Variants in GSK3B observed in about 807,000 individuals in gnomAD.
GSK3B encodes the protein glycogen synthase kinase-3 beta.
Under a neutral mutation model 56.4 loss-of-function variants are expected in GSK3B, and 15 were observed. The observed-to-expected ratio is 0.27, with a 90% CI of 0.18 to 0.41. The LOEUF (loss-of-function observed/expected upper bound fraction) is 0.41. GSK3B is among the 10% of genes least tolerant of loss of function. GSK3B has a pLI of 1.00. For synonymous variants in GSK3B, 181 were observed against 188.9 expected (o/e 0.96, Z 0.34); for missense variants, 300 against 513.4 (o/e 0.58, Z 4.02).
rs187077119 is a variant in GSK3B at position 119,860,634 on chromosome 3, C to T, written c.1096+2785G>A. On this transcript the variant is annotated intron_variant, in intron 9 of 10. Coordinates refer to ENST00000264235, the MANE Select transcript of GSK3B (RefSeq NM_001146156.2). ...GCAGTTAGCTTTATTGTAAGCTTTA[C>T]CTTAATAAAACACTATATTTTACTC... Among the ~76,000 whole-genome samples, 760 of 152,208 alleles carry T rather than the reference C, an allele frequency of 5.0e-3. 3 individuals carry two copies. The highest frequency in any genetic ancestry group is 6.6e-3 in the Non-Finnish European group (450 of 67,996).
At chr3:119,846,378 T>C (rs1185572766) in intron 9 of GSK3B, among the ~76,000 whole-genome samples, 1 of 151,938 alleles carries the variant, frequency 6.6e-6, no homozygotes, top group East Asian at 1.9e-4. Flanking sequence ...AAGAAAAATT[T>C]TTGCCATCCA....
rs1238324770 is a variant in GSK3B, at chr3:119,823,790, G to GT, written c.*2997dup. The stretch of plus-strand genomic sequence containing the variant: ...TTTCCTCTTCCCACTCCTGAGTATG[G>GT]TATCACTGAAACTTAACTGTGGAAG... On this transcript the variant is annotated 3_prime_UTR_variant, in exon 11 of 11. Transcript: ENST00000264235. 1.5e-5 allele frequency: 3 copies of GT among 198,138 alleles called. No individual in the cohort carries two copies. Among genetic ancestry groups the GT allele is most frequent in the Non-Finnish European group, 2.1e-5 (2 of 95,780 alleles). 12.3% of individuals were successfully genotyped at this position (198,138 alleles called of 1,614,324 possible).
At chr3:119,971,379 T>G (rs1054903714) in intron 2 of GSK3B, among the ~76,000 whole-genome samples, 3 of 152,122 alleles carry the variant, frequency 2.0e-5, no homozygotes, top group African/African-American at 7.2e-5. Context: ...ACAGGTACAG[T>G]TTCATTTATA....
At chr3:120,091,652 C>G (rs557434556) in intron 1 of GSK3B, among the ~76,000 whole-genome samples, 1 of 152,204 alleles carries the variant, frequency 6.6e-6, no homozygotes, top group South Asian at 2.1e-4. Context: ...ACAAGAGGCT[C>G]TTAAGTAGCT....
chr3:119,822,267 A>ATAT lies in GSK3B; in HGVS notation c.*4520_*4521insATA. 5.8e-6 allele frequency: 1 copy of ATAT among 172,242 alleles called. No homozygotes were observed. 10.7% of individuals were successfully genotyped at this position (172,242 alleles called of 1,614,324 possible). A position where few individuals can be genotyped will look rare whatever the true frequency, so the allele number is the denominator to read the frequency against. On this transcript the variant is annotated 3_prime_UTR_variant, in exon 11 of 11. Coordinates refer to ENST00000264235, the MANE Select transcript of GSK3B (RefSeq NM_001146156.2). ...TTTATATATATATATATATATATAT[A>ATAT]ATAAATTTTGTTTTTTAGGTTTGTT...
chr3:120,031,401 T>C (rs780349350), intron 1 of GSK3B, among the ~76,000 whole-genome samples: 38 of 151,256 alleles, frequency 2.5e-4, no homozygotes, highest in Non-Finnish European at 4.6e-4. Context: ...TAATACAAAC[T>C]TGAGTCTGGG....
intron 1 of GSK3B, among the ~76,000 whole-genome samples, chr3:120,058,076 G>A (rs2058205782): frequency 6.6e-6 from 1 of 151,966 alleles, no homozygotes; most frequent in African/African-American, 2.4e-5. Flanking sequence ...TAAGGAAAAA[G>A]GTACTTTTAA....
intron 1 of GSK3B, among the ~76,000 whole-genome samples, chr3:120,009,320 C>G (rs944052432): frequency 6.6e-6 from 1 of 152,134 alleles, no homozygotes; most frequent in Admixed American, 6.5e-5. Context: ...TTGACCCAGC[C>G]ATCCCATTAC....
intron 7 of GSK3B, among the ~76,000 whole-genome samples, chr3:119,885,776 T>C (rs2056429483): frequency 6.6e-6 from 1 of 151,836 alleles, no homozygotes; most frequent in South Asian, 2.1e-4. Context: ...TTCGTCACAG[T>C]CGACAAAAAT....
intron 6 of GSK3B, among the ~76,000 whole-genome samples, chr3:119,906,671 T>C (rs766882678): frequency 1.4e-4 from 21 of 152,034 alleles, no homozygotes; most frequent in Non-Finnish European, 2.1e-4. Context: ...TATTAAGACT[T>C]CCTACAAGAA....
chr3:119,947,972 T>C (rs971887386), intron 2 of GSK3B, among the ~76,000 whole-genome samples: 7 of 152,056 alleles, frequency 4.6e-5, no homozygotes, highest in Non-Finnish European at 8.8e-5. Context: ...TTCAAAGTTA[T>C]GTTCATTCTT....
chr3:119,941,368 A>G (rs991467181), intron 3 of GSK3B, among the ~76,000 whole-genome samples: 1 of 152,116 alleles, frequency 6.6e-6, no homozygotes, highest in Non-Finnish European at 1.5e-5. Flanking sequence ...ATTTACTAAG[A>G]TATTTTTTAA....
At chr3:119,897,774 AC>A (rs2056582962) in intron 7 of GSK3B, among the ~76,000 whole-genome samples, 1 of 148,980 alleles carries the variant, frequency 6.7e-6, no homozygotes, top group African/African-American at 2.5e-5. Context: ...AGCCTGGGTG[AC>A]AGAGCAAGAC....
At chr3:120,017,777 T>C (rs536222220) in intron 1 of GSK3B, among the ~76,000 whole-genome samples, 1 of 152,320 alleles carries the variant, frequency 6.6e-6, no homozygotes, top group South Asian at 2.1e-4. Flanking sequence ...CTTACAGTTA[T>C]CACACACTGG....
At chr3:120,068,257 G>A (rs1428552069) in intron 1 of GSK3B, among the ~76,000 whole-genome samples, 1 of 152,004 alleles carries the variant, frequency 6.6e-6, no homozygotes, top group African/African-American at 2.4e-5. Flanking sequence ...CAGACATGGT[G>A]GCACGCGCCT....
intron 6 of GSK3B, among the ~76,000 whole-genome samples, chr3:119,906,324 T>C (rs146116216): frequency 2.6e-3 from 395 of 152,212 alleles, no homozygotes; most frequent in African/African-American, 8.4e-3. Context: ...AAATGGTTGA[T>C]TTTTATGTTC....
intron 6 of GSK3B, among the ~76,000 whole-genome samples, chr3:119,907,753 G>A (rs2056696940): frequency 6.6e-6 from 1 of 152,134 alleles, no homozygotes; most frequent in Non-Finnish European, 1.5e-5. Context: ...AGGAAATTAA[G>A]ACATGATAAA....
chr3:119,947,428 T>C, intron 2 of GSK3B, 77 bp from the exon 3 acceptor site: 1 of 922,638 alleles, frequency 1.1e-6, no homozygotes, highest in Non-Finnish European at 1.7e-6. Context: ...GCTTCTGAAA[T>C]AACATTAAGC....
intron 2 of GSK3B, among the ~76,000 whole-genome samples, chr3:119,950,324 A>C (rs969116472): frequency 6.6e-6 from 1 of 152,218 alleles, no homozygotes; most frequent in African/African-American, 2.4e-5. Context: ...AGAAAACCTT[A>C]TGAAGGAGGT....
Sources: gnomAD v4.1 joint callset for allele counts (sites outside exome capture counted in the v4.1 genomes callset) on GRCh38, gnomAD v4.1.1 for gene constraint, MANE v1.5 for transcripts, NCBI Gene and HGNC (gene_info 2026-07-23, HGNC 2026-07-21) for gene names.